The following RSPH14 variants were observed in gnomAD, a reference collection of about 807,000 sequenced individuals.
The protein encoded by RSPH14 is rhabdoid tumor deletion region gene 1.
A neutral mutation model predicts 26.7 loss-of-function variants in RSPH14; 20 were observed. The observed-to-expected ratio is 0.75, with a 90% CI of 0.53 to 1.09. RSPH14 has a LOEUF of 1.09. Ranked by LOEUF, RSPH14 falls within the 50% of genes least tolerant of loss-of-function variation. The pLI is 0.00. For missense variants in RSPH14, 449 were observed against 457.2 expected (o/e 0.98, Z 0.16); for synonymous variants, 177 against 189.3 (o/e 0.93, Z 0.53).
chr22:23,159,544 CCCCATAACTA>C, the RSPH14 span, among the ~76,000 whole-genome samples: 1 of 152,242 alleles, frequency 6.6e-6, no homozygotes, highest in Non-Finnish European at 1.5e-5. Flanking sequence ...AACCGGAGAA[CCCCATAACTA>C]CTCATAACTA....
intron 4 of RSPH14, chr22:23,096,415 G>C (rs2069125430): frequency 6.2e-7 from 1 of 1,601,292 alleles, no homozygotes; most frequent in African/African-American, 1.3e-5. Context: ...AGGATAACCA[G>C]ACAGTAAGTG....
At chr22:23,164,474 C>T in the RSPH14 span, 6 of 152,278 alleles carry the variant, frequency 3.9e-5, no homozygotes, top group African/African-American at 1.4e-4. Flanking sequence ...GCTCAGTTGT[C>T]CCCCCACCCC....
chr22:23,094,316 G>A (rs943450063), intron 4 of RSPH14, among the ~76,000 whole-genome samples: 8 of 152,268 alleles, frequency 5.3e-5, no homozygotes, highest in African/African-American at 1.9e-4. Flanking sequence ...CTCGTGTGGG[G>A]AGGCCTGGCC....
chr22:23,073,597 T>G (rs7292975), intron 4 of RSPH14, among the ~76,000 whole-genome samples: 212 of 152,330 alleles, frequency 1.4e-3, no homozygotes, highest in African/African-American at 5.0e-3. Flanking sequence ...CCACACATTT[T>G]GGCCCTTTCG....
intron 4 of RSPH14, among the ~76,000 whole-genome samples, chr22:23,084,571 G>A (rs2068766352): frequency 6.6e-6 from 1 of 152,216 alleles, no homozygotes; most frequent in Non-Finnish European, 1.5e-5. Context: ...CACTGGCCAG[G>A]ATGAAGCAGC....
the RSPH14 span, among the ~76,000 whole-genome samples, chr22:23,174,318 C>A: frequency 6.8e-6 from 1 of 147,912 alleles, no homozygotes; most frequent in African/African-American, 2.5e-5. Flanking sequence ...TTAGGAGGAT[C>A]ACTTAAGCCC....
upstream of RSPH14, chr22:23,146,671 G>T: frequency 6.2e-7 from 1 of 1,613,804 alleles, no homozygotes. Flanking sequence ...CCGTGTCATC[G>T]CCAGCTTCCC....
At chr22:23,155,243 C>A in the RSPH14 span, among the ~76,000 whole-genome samples, 1 of 152,196 alleles carries the variant, frequency 6.6e-6, no homozygotes, top group Non-Finnish European at 1.5e-5. Context: ...GATTGGGGAA[C>A]AATTTTCCGA....
upstream of RSPH14, chr22:23,142,037 A>G: frequency 1.0e-6 from 1 of 985,366 alleles, no homozygotes; most frequent in Non-Finnish European, 1.2e-6. Context: ...AGGCGACTCC[A>G]GCAGCGTCCG....
Position 23,081,395 on chromosome 22 carries a change from G to A in RSPH14, c.422-17262C>T, listed in dbSNP as rs147037922. 3.2e-3 allele frequency among the ~76,000 whole-genome samples: 490 copies of A among 152,342 alleles called. 1 individual carries two copies. The highest frequency in any genetic ancestry group is 0.011 in the African/African-American group (467 of 41,578). On this transcript the variant is annotated intron_variant, in intron 4 of 6. Transcript: ENST00000216036. ...TGAGTTAAGTGAAAATAAAGTACAC[G>A]TGTGTCATTTCTTAGGTCTTCCTGC...
chr22:23,094,880 C>T (rs890714574), intron 4 of RSPH14, among the ~76,000 whole-genome samples: 11 of 152,366 alleles, frequency 7.2e-5, no homozygotes, highest in African/African-American at 2.2e-4. Context: ...AGGCTGAGCT[C>T]TATCAGTGCT....
the RSPH14 span, among the ~76,000 whole-genome samples, chr22:23,170,661 A>G: frequency 6.6e-6 from 1 of 151,944 alleles, no homozygotes; most frequent in Non-Finnish European, 1.5e-5. Context: ...TGAACCCAGG[A>G]GGCGGAGGTT....
chr22:23,177,788 T>C, the RSPH14 span, among the ~76,000 whole-genome samples: 1 of 152,070 alleles, frequency 6.6e-6, no homozygotes, highest in Non-Finnish European at 1.5e-5. Context: ...GCATGCAAAC[T>C]CAAACTAAAC....
the RSPH14 span, among the ~76,000 whole-genome samples, chr22:23,157,352 A>G: frequency 3.3e-5 from 5 of 151,612 alleles, no homozygotes; most frequent in Admixed American, 6.6e-5. Flanking sequence ...CCGCATTCAC[A>G]ACATTCTCCT....
At chr22:23,152,931 G>A in the RSPH14 span, 1 of 832,976 alleles carries the variant, frequency 1.2e-6, no homozygotes, top group Non-Finnish European at 2.0e-6. Flanking sequence ...TTCCTGATGG[G>A]AAGTGGACCT....
At chr22:23,157,942 GCTCGC>G in the RSPH14 span, 1 of 1,611,726 alleles carries the variant, frequency 6.2e-7, no homozygotes, top group Non-Finnish European at 8.5e-7. Context: ...GAGCCCCCTT[GCTCGC>G]CTCGCCTGGC....
the RSPH14 span, among the ~76,000 whole-genome samples, chr22:23,176,283 G>A: frequency 6.6e-5 from 10 of 152,312 alleles, no homozygotes; most frequent in African/African-American, 2.4e-4. Context: ...CTGAGGCAGG[G>A]CTTGCATGTC....
At chr22:23,160,497 G>A in the RSPH14 span, among the ~76,000 whole-genome samples, 6 of 152,230 alleles carry the variant, frequency 3.9e-5, no homozygotes, top group African/African-American at 1.4e-4. Context: ...GACAGGTATG[G>A]AAAGTGACAG....
At chr22:23,127,996 A>T (rs2070226859) in intron 4 of RSPH14, among the ~76,000 whole-genome samples, 1 of 151,934 alleles carries the variant, frequency 6.6e-6, no homozygotes, top group Non-Finnish European at 1.5e-5. Flanking sequence ...ACACGTGTGG[A>T]GTCAGGGTCA....
Sources: gnomAD v4.1 joint callset for allele counts (sites outside exome capture counted in the v4.1 genomes callset) on GRCh38, gnomAD v4.1.1 for gene constraint, MANE v1.5 for transcripts, NCBI Gene and HGNC (gene_info 2026-07-23, HGNC 2026-07-21) for gene names.